Variants in CWF19L2 observed in about 807,000 individuals in gnomAD.
CWF19L2 encodes the protein CWF19 like cell cycle control factor 2, also known as CWF19-like protein 2.
Under a neutral mutation model 111.7 loss-of-function variants are expected in CWF19L2, and 98 were observed. The ratio of observed to expected loss-of-function variants is 0.88; its 90% confidence interval spans 0.75 to 1.04. The LOEUF (loss-of-function observed/expected upper bound fraction) is 1.04, where lower values mean the gene tolerates loss of function less well. Ranked by LOEUF, CWF19L2 falls within the 50% of genes least tolerant of loss-of-function variation. The pLI, the probability that CWF19L2 is intolerant of heterozygous loss-of-function variation, is 0.00. For missense variants in CWF19L2, 1,101 were observed against 1,051.4 expected, an observed-to-expected ratio of 1.05 and a Z score of -0.65; for synonymous variants, 351 against 342.9, an observed-to-expected ratio of 1.02 and a Z score of -0.26.
In CWF19L2 at chr11:107,367,139, A is replaced by C. The variant is rs1860442254; in HGVS notation, c.1873-13403T>G. Reference sequence around the variant, plus strand: ...AAACCACAACGAGATACCATCTCACACCAGTTAGAATGGCAATCATTAAAA... The same window carrying C: ...AAACCACAACGAGATACCATCTCACCCCAGTTAGAATGGCAATCATTAAAA... On this transcript the variant is annotated intron_variant, in intron 12 of 17. Transcript: ENST00000282251. 2.6e-5 allele frequency among the ~76,000 whole-genome samples: 3 copies of C among 115,122 alleles called. No homozygotes were observed. The Admixed American group carries it at 2.6e-4, about 10-fold the overall frequency. 75.5% of individuals were successfully genotyped at this position (115,122 alleles called of 152,430 possible). A position where few individuals can be genotyped will look rare whatever the true frequency, so the allele number is the denominator to read the frequency against.
intron 12 of CWF19L2, among the ~76,000 whole-genome samples, chr11:107,356,868 T>A (rs1203266484): frequency 6.6e-6 from 1 of 151,928 alleles, no homozygotes; most frequent in Non-Finnish European, 1.5e-5. Flanking sequence ...AGAAACCCTG[T>A]CTCTACTAAA....
chr11:107,375,613 T>C (rs1163986168), intron 12 of CWF19L2, among the ~76,000 whole-genome samples: 3 of 132,900 alleles, frequency 2.3e-5, no homozygotes, highest in African/African-American at 8.8e-5. Flanking sequence ...CTGGGACGCA[T>C]TCAAAGCAGT....
chr11:107,369,612 A>G (rs1421249838), intron 12 of CWF19L2, among the ~76,000 whole-genome samples: 2 of 138,176 alleles, frequency 1.4e-5, no homozygotes, highest in Admixed American at 1.4e-4. Flanking sequence ...CATTATTTTG[A>G]TGTCAAAATA....
rs375383027 is a variant in CWF19L2, at chr11:107,428,902, G to C, written c.1330C>G (p.Gln444Glu). 9.3e-6 allele frequency: 15 copies of C among 1,613,286 alleles called. No individual in the cohort carries two copies. The highest frequency in any genetic ancestry group is 1.3e-5 in the Non-Finnish European group (15 of 1,179,584). ...KPSETSTDEH[Q>E]HVPEDPREKS... ...TCTCTTGGGTCTTCTGGAACATGTT[G>C]GTGTTCATCAGTACTGGTTTCCGAT... is the stretch of plus-strand genomic sequence containing the variant. The change falls in exon 8 of 18, where the codon CAA becomes GAA. Residue 444 changes from glutamine to glutamate, a missense_variant. Coordinates refer to ENST00000282251, the MANE Select transcript of CWF19L2 (RefSeq NM_152434.3).
intron 12 of CWF19L2, among the ~76,000 whole-genome samples, chr11:107,381,108 A>T (rs1370769488): frequency 6.6e-6 from 1 of 152,166 alleles, no homozygotes; most frequent in Non-Finnish European, 1.5e-5. Flanking sequence ...TAATGGGTAT[A>T]GAGCTTCTGT....
intron 10 of CWF19L2, among the ~76,000 whole-genome samples, chr11:107,398,746 G>A (rs577876491): frequency 1.1e-4 from 16 of 152,310 alleles, no homozygotes; most frequent in African/African-American, 3.8e-4. Flanking sequence ...GTTATCCCAA[G>A]TTAAGATGAA....
At chr11:107,434,898 C>T (rs1428618249) in intron 6 of CWF19L2, among the ~76,000 whole-genome samples, 3 of 151,804 alleles carry the variant, frequency 2.0e-5, no homozygotes, top group South Asian at 2.1e-4. Flanking sequence ...AGTACACAAA[C>T]GTTTTCATTT....
intron 10 of CWF19L2, among the ~76,000 whole-genome samples, chr11:107,393,436 A>G (rs766341803): frequency 6.6e-6 from 1 of 152,172 alleles, no homozygotes; most frequent in African/African-American, 2.4e-5. Flanking sequence ...CTTTTGGCCA[A>G]ATATAAACCT....
At chr11:107,375,807 C>A (rs1384941966) in intron 12 of CWF19L2, among the ~76,000 whole-genome samples, 36 of 81,082 alleles carry the variant, frequency 4.4e-4, no homozygotes, top group African/African-American at 1.8e-3. Context: ...CACAAAAAAC[C>A]CTTCAAAAAA....
chr11:107,454,649 AAT>A (rs1491207456), intron 2 of CWF19L2, 77 bp from the exon 3 acceptor site: 601 of 1,036,614 alleles, frequency 5.8e-4, no homozygotes, highest in Non-Finnish European at 6.5e-4. Flanking sequence ...AGAGAAAAAA[AAT>A]AAACCACATT....
intron 1 of CWF19L2, among the ~76,000 whole-genome samples, chr11:107,457,392 T>G (rs928596179): frequency 6.6e-6 from 1 of 151,964 alleles, no homozygotes; most frequent in African/African-American, 2.4e-5. Flanking sequence ...GCTGGCAGAG[T>G]CCTTACAAGC....
At chr11:107,327,413 A>G (rs1175729383) in intron 17 of CWF19L2, among the ~76,000 whole-genome samples, 1 of 152,180 alleles carries the variant, frequency 6.6e-6, no homozygotes, top group African/African-American at 2.4e-5. Context: ...ATCAACTTCT[A>G]GCAATTATTA....
At chr11:107,439,567 T>C (rs1861591160) in intron 5 of CWF19L2, among the ~76,000 whole-genome samples, 1 of 152,134 alleles carries the variant, frequency 6.6e-6, no homozygotes, top group Non-Finnish European at 1.5e-5. Flanking sequence ...ATCAAAGACT[T>C]CCTAGAGGAA....
chr11:107,390,963 C>T (rs768307822), intron 11 of CWF19L2, among the ~76,000 whole-genome samples: 16 of 152,152 alleles, frequency 1.1e-4, no homozygotes, highest in South Asian at 4.1e-4. Flanking sequence ...AGTCTTCTGG[C>T]CTTCATCTTT....
At chr11:107,426,504 C>T (rs1226989055) in intron 8 of CWF19L2, among the ~76,000 whole-genome samples, 1 of 151,794 alleles carries the variant, frequency 6.6e-6, no homozygotes, top group Non-Finnish European at 1.5e-5. Flanking sequence ...TGCAAAGATA[C>T]TCACAAAAAA....
At chr11:107,403,493 C>T in intron 10 of CWF19L2, 1 of 844,428 alleles carries the variant, frequency 1.2e-6, no homozygotes, top group Non-Finnish European at 2.1e-6. Context: ...ATCACTGGTT[C>T]CTTCCTCTGC....
chr11:107,445,261 C>A (rs2135424628), intron 3 of CWF19L2, among the ~76,000 whole-genome samples: 1 of 152,240 alleles, frequency 6.6e-6, no homozygotes, highest in Admixed American at 6.5e-5. Context: ...TATTTAGTTT[C>A]TGTTACCTGC....
Position 107,392,854 on chromosome 11 carries a change from C to T in CWF19L2, c.1659G>A (p.Gln553=). The T allele has an allele frequency of 6.3e-7, 1 of 1,585,606 alleles. No homozygotes were observed. Among genetic ancestry groups the T allele is most frequent in the Non-Finnish European group, 8.5e-7 (1 of 1,171,104 alleles). Residue 553 remains glutamine (Q), a synonymous_variant, in exon 11 of 18, where the codon CAG becomes CAA. Transcript: ENST00000282251. The stretch of plus-strand genomic sequence containing the variant: ...TGTTCACAGGCCATACTCTTCCAGA[C>T]TGATCTGTTCTGACAAGGATTACTT... ...QQEVILVRTD[Q]SGRVWPVNTP... is the part of the protein sequence containing the mutation.
intron 12 of CWF19L2, among the ~76,000 whole-genome samples, chr11:107,378,986 A>G (rs1217007050): frequency 1.3e-5 from 2 of 152,180 alleles, no homozygotes; most frequent in Non-Finnish European, 2.9e-5. Context: ...GATGACTACT[A>G]GCTTTCTAAT....
Sources: allele counts gnomAD v4.1 joint callset (sites outside exome capture counted in the v4.1 genomes callset), GRCh38; gene constraint gnomAD v4.1.1; transcripts MANE v1.5; gene names NCBI Gene and HGNC (gene_info 2026-07-23, HGNC 2026-07-21).